ARHGAP42: variants seen among roughly 807,000 people sequenced by gnomAD.
ARHGAP42 encodes Rho GTPase activating protein 42, also known as rho GTPase-activating protein 42.
A neutral mutation model predicts 125.0 loss-of-function variants in ARHGAP42; 63 were observed. The observed-to-expected ratio is 0.50, with a 90% CI of 0.41 to 0.62. The LOEUF is 0.62. ARHGAP42 is among the 20% of genes least tolerant of loss of function. The pLI, the probability that ARHGAP42 is intolerant of heterozygous loss-of-function variation, is 0.00. For synonymous variants in ARHGAP42, 339 were observed against 351.0 expected (o/e 0.97, Z 0.38); for missense variants, 766 against 1,024.2 (o/e 0.75, Z 3.44).
rs137903957 is a variant in ARHGAP42 at position 100,746,454 on chromosome 11, C to A, written c.155-23889C>A. ...ACCACCCTAGTGGAAAGGGGACAAT[C>A]TGGGCCTCCGGCCCACCGTGCACAC... On this transcript the variant is annotated intron_variant, in intron 1 of 23. Coordinates refer to ENST00000298815, the MANE Select transcript of ARHGAP42 (RefSeq NM_152432.4). Among the ~76,000 whole-genome samples the A allele has an allele frequency of 3.5e-3, 538 of 152,364 alleles. 5 individuals are homozygous for A. Among genetic ancestry groups the A allele is most frequent in the African/African-American group, 0.013 (520 of 41,582 alleles).
At chr11:100,891,523 A>C (rs1481222806) in intron 4 of ARHGAP42, among the ~76,000 whole-genome samples, 1 of 148,428 alleles carries the variant, frequency 6.7e-6, no homozygotes, top group Non-Finnish European at 1.5e-5. Flanking sequence ...GCTTGCTGCA[A>C]CCTCTGCCTC....
chr11:100,876,195 T>C (rs1865820846), intron 4 of ARHGAP42, among the ~76,000 whole-genome samples: 1 of 152,216 alleles, frequency 6.6e-6, no homozygotes, highest in Non-Finnish European at 1.5e-5. Context: ...GAATTTGACC[T>C]TGAACAAATT....
At chr11:100,703,096 G>A (rs1233235359) in intron 1 of ARHGAP42, among the ~76,000 whole-genome samples, 2 of 152,200 alleles carry the variant, frequency 1.3e-5, no homozygotes, top group African/African-American at 4.8e-5. Context: ...AAATGAGCCA[G>A]AGAATGGGGA....
chr11:100,736,491 A>G lies in ARHGAP42; in HGVS notation c.155-33852A>G, dbSNP rs112387821. On this transcript the variant is annotated intron_variant, in intron 1 of 23. Transcript: ENST00000298815. ...ATCATGGGACTGCTACCACCATCTT[A>G]TCAAACGTGATTAATGGGAACTGGA... 5.7e-3 allele frequency among the ~76,000 whole-genome samples: 870 copies of G among 152,264 alleles called. 6 individuals are homozygous for G. Among genetic ancestry groups the G allele is most frequent in the Middle Eastern group, 0.02 (6 of 294 alleles).
intron 4 of ARHGAP42, among the ~76,000 whole-genome samples, chr11:100,878,006 G>GAAAAAAAAAAAAAAAA (rs35482152): frequency 1.6e-5 from 1 of 64,452 alleles, no homozygotes; most frequent in Non-Finnish European, 3.1e-5. Flanking sequence ...CTCTGTCCCA[G>GAAAAAAAAAAAAAAAA]AAAAAAAAAA....
intron 4 of ARHGAP42, among the ~76,000 whole-genome samples, chr11:100,895,280 T>G (rs536019373): frequency 1.1e-4 from 17 of 152,130 alleles, no homozygotes; most frequent in Non-Finnish European, 1.9e-4. Context: ...TAAAACGTGT[T>G]AGCTCACAGC....
intron 1 of ARHGAP42, among the ~76,000 whole-genome samples, chr11:100,716,772 A>G (rs1211046647): frequency 6.6e-6 from 1 of 152,158 alleles, no homozygotes; most frequent in Non-Finnish European, 1.5e-5. Flanking sequence ...CTTGTGAGAG[A>G]TTTTAGGAAG....
intron 1 of ARHGAP42, among the ~76,000 whole-genome samples, chr11:100,711,218 G>A (rs1299331323): frequency 6.6e-6 from 1 of 152,208 alleles, no homozygotes; most frequent in Non-Finnish European, 1.5e-5. Flanking sequence ...GCTAACTGAA[G>A]CTTCTTTTCC....
chr11:100,942,280 T>A (rs1867906518), intron 9 of ARHGAP42, among the ~76,000 whole-genome samples: 1 of 152,180 alleles, frequency 6.6e-6, no homozygotes, highest in Non-Finnish European at 1.5e-5. Flanking sequence ...AGGCTACATT[T>A]GCCCCTGCAT....
chr11:100,992,648 G>T lies in ARHGAP42; in HGVS notation c.*3847G>T. ...CACCGTTATCCCCCTGCTTCAAAATGTGCCAGTTCCACTTGGTAATAACGT... is the reference window on the plus strand; with the variant it reads ...CACCGTTATCCCCCTGCTTCAAAATTTGCCAGTTCCACTTGGTAATAACGT... On this transcript the variant is annotated 3_prime_UTR_variant, in exon 24 of 24. Transcript: ENST00000298815. 1 of 1,611,746 alleles carries T rather than the reference G, an allele frequency of 6.2e-7. No homozygotes were observed. The highest frequency in any genetic ancestry group is 8.5e-7 in the Non-Finnish European group (1 of 1,178,930).
intron 1 of ARHGAP42, among the ~76,000 whole-genome samples, chr11:100,727,726 A>G (rs1035832867): frequency 5.3e-5 from 8 of 152,138 alleles, no homozygotes; most frequent in Non-Finnish European, 7.4e-5. Flanking sequence ...AGCTCACCCT[A>G]TGTACCTCTC....
chr11:100,809,934 C>CT (rs142526337), intron 3 of ARHGAP42, among the ~76,000 whole-genome samples: 24,541 of 151,176 alleles, frequency 0.16, 2,121 homozygotes, highest in Middle Eastern at 0.23. Context: ...GAGCAAGACT[C>CT]TGTCTCCAAA....
chr11:100,940,624 A>G (rs1387654128), intron 8 of ARHGAP42, among the ~76,000 whole-genome samples: 1 of 152,174 alleles, frequency 6.6e-6, no homozygotes, highest in Non-Finnish European at 1.5e-5. Flanking sequence ...TTACACATAC[A>G]AGTTTCTTCT....
intron 4 of ARHGAP42, among the ~76,000 whole-genome samples, chr11:100,899,725 T>TTG (rs773508029): frequency 0.015 from 1,173 of 77,530 alleles, 27 homozygotes; most frequent in Non-Finnish European, 0.02. Flanking sequence ...GTGTTTTGTT[T>TTG]TTTTTTTTGT....
chr11:100,859,474 A>G (rs1865394539), intron 3 of ARHGAP42, 80 bp from the exon 4 acceptor site: 2 of 1,209,386 alleles, frequency 1.7e-6, no homozygotes, highest in Non-Finnish European at 1.2e-6. Flanking sequence ...TATTTGATAC[A>G]TTGGATAAAG....
Position 100,965,742 on chromosome 11 carries a change from G to A in ARHGAP42, c.1516G>A (p.Glu506Lys). 1 of 1,551,246 alleles carries A rather than the reference G, an allele frequency of 6.4e-7. No individual in the cohort carries two copies. The change falls in exon 17 of 24, where the codon GAG (glutamate) becomes AAG (lysine). Residue 506 changes from glutamate (E) to lysine (K), a missense_variant. Transcript: ENST00000298815. The part of the protein sequence containing the change: ...LVHKLPEKNR[E>K]MLDILIKHLV... ...GCACAAATTGCCGGAGAAAAACAGAGAGATGCTGGACATCTTAATAAAGCA... is the reference window on the plus strand; with the variant it reads ...GCACAAATTGCCGGAGAAAAACAGAAAGATGCTGGACATCTTAATAAAGCA...
Position 100,837,674 on chromosome 11 carries a change from T to TA in ARHGAP42, c.313-21880_313-21879insA, listed in dbSNP as rs1565235507. Among the ~76,000 whole-genome samples the TA allele has an allele frequency of 3.7e-3, 464 of 126,688 alleles. 7 individuals carry two copies. Among genetic ancestry groups the TA allele is most frequent in the African/African-American group, 8.3e-3 (294 of 35,406 alleles). 83.1% of individuals were successfully genotyped at this position (126,688 alleles called of 152,430 possible). Reference sequence around the variant, plus strand: ...AGAATCTAGGTGTCATCCTTTTTTTTTTTTTTTTTTTTTTTTTTTTTTTAG... The same window carrying TA: ...AGAATCTAGGTGTCATCCTTTTTTTTATTTTTTTTTTTTTTTTTTTTTTTAG... On this transcript the variant is annotated intron_variant, in intron 3 of 23. Transcript: ENST00000298815.
intron 3 of ARHGAP42, among the ~76,000 whole-genome samples, chr11:100,822,795 T>C (rs565628121): frequency 3.0e-4 from 46 of 152,292 alleles, no homozygotes; most frequent in Admixed American, 7.8e-4. Context: ...TAATTACTTA[T>C]GACCAAAGGG....
At chr11:100,741,781 T>C (rs1163203170) in intron 1 of ARHGAP42, among the ~76,000 whole-genome samples, 1 of 152,176 alleles carries the variant, frequency 6.6e-6, no homozygotes, top group Non-Finnish European at 1.5e-5. Context: ...ATAACTTAGT[T>C]TGAGAAGTAT....
Sources: gnomAD v4.1 joint callset for allele counts (sites outside exome capture counted in the v4.1 genomes callset) on GRCh38, gnomAD v4.1.1 for gene constraint, MANE v1.5 for transcripts, NCBI Gene and HGNC (gene_info 2026-07-23, HGNC 2026-07-21) for gene names.